Variants in MACROH2A1 observed in about 807,000 individuals in gnomAD.
The protein encoded by MACROH2A1 is core histone macro-H2A.1.
A neutral mutation model predicts 31.6 loss-of-function variants in MACROH2A1; 2 were observed. That is an observed-to-expected ratio of 0.06 (90% CI 0.03 to 0.20). The LOEUF (loss-of-function observed/expected upper bound fraction) is 0.20, where lower values mean the gene tolerates loss of function less well. Among genes scored for constraint, MACROH2A1 ranks in the 10% least tolerant of loss-of-function variants. MACROH2A1 has a pLI of 1.00. For synonymous variants in MACROH2A1, 169 were observed against 189.6 expected (o/e 0.89, Z 0.89); for missense variants, 230 against 474.0 (o/e 0.49, Z 4.78).
intron 1 of MACROH2A1, among the ~76,000 whole-genome samples, chr5:135,392,816 A>G (rs1767428137): frequency 6.6e-6 from 1 of 152,198 alleles, no homozygotes; most frequent in South Asian, 2.1e-4. Flanking sequence ...TGCATTTTTG[A>G]GCAAGTGATT....
rs1763894413 is a variant in MACROH2A1, at chr5:135,369,269, T to A, written c.477+137A>T. 3 of 759,322 alleles carry A rather than the reference T, an allele frequency of 4.0e-6. No individual in the cohort carries two copies. In the South Asian group the frequency reaches 5.0e-5, roughly 13 times the overall value. The allele number at this position is 759,322 out of a possible 1,614,324, so 47.0% of individuals were successfully genotyped here. A position where few individuals can be genotyped will look rare whatever the true frequency, so the allele number is the denominator to read the frequency against. ...TTGGACTAGCCCCTCTGGAGAGTAATCAGCTCCTACATGTTCCTCCTTTAT... is the reference window on the plus strand; with the variant it reads ...TTGGACTAGCCCCTCTGGAGAGTAAACAGCTCCTACATGTTCCTCCTTTAT... On this transcript the variant is annotated intron_variant, in intron 4 of 8. Transcript: ENST00000511689. The surrounding 1 kb of genome is among the most constrained non-coding windows in gnomAD (Gnocchi z 4.3).
At chr5:135,378,049 T>C (rs1258680859) in intron 2 of MACROH2A1, among the ~76,000 whole-genome samples, 1 of 152,134 alleles carries the variant, frequency 6.6e-6, no homozygotes, top group Non-Finnish European at 1.5e-5. Flanking sequence ...GTCTAAGGAT[T>C]TGCCTAAGCT....
At chr5:135,397,483 T>TA (rs770569829) in intron 1 of MACROH2A1, among the ~76,000 whole-genome samples, 14 of 152,236 alleles carry the variant, frequency 9.2e-5, no homozygotes, top group Non-Finnish European at 1.6e-4. Context: ...ACAACCCTCT[T>TA]AATGCCTTAT....
chr5:135,334,834 G>GT lies in MACROH2A1; in HGVS notation c.*141_*142insA. ...TAGAAGGTCAAAAACAATTAAACTGGAAACCAAAGCCTTATTTTCCCTAGA... is the reference window on the plus strand; with the variant it reads ...TAGAAGGTCAAAAACAATTAAACTGGTAAACCAAAGCCTTATTTTCCCTAGA... On this transcript the variant is annotated 3_prime_UTR_variant, in exon 9 of 9. Coordinates refer to ENST00000511689, the MANE Select transcript of MACROH2A1 (RefSeq NM_138610.3). The GT allele has an allele frequency of 1.4e-6, 1 of 704,480 alleles. No individual in the cohort carries two copies. Among genetic ancestry groups the GT allele is most frequent in the Non-Finnish European group, 2.5e-6 (1 of 406,500 alleles). The allele number at this position is 704,480 out of a possible 1,614,324, so 43.6% of individuals were successfully genotyped here. A position where few individuals can be genotyped will look rare whatever the true frequency, so the allele number is the denominator to read the frequency against.
chr5:135,388,076 G>A (rs1766678243), intron 2 of MACROH2A1, among the ~76,000 whole-genome samples: 1 of 148,766 alleles, frequency 6.7e-6, no homozygotes. Context: ...CAGAGGAAGG[G>A]CACAGGGAAA....
At chr5:135,353,709 T>C (rs1399469629) in intron 5 of MACROH2A1, 1 of 152,242 alleles carries the variant, frequency 6.6e-6, no homozygotes, top group African/African-American at 2.4e-5. Flanking sequence ...TAAATGGTTT[T>C]CACCTTGTTG....
chr5:135,346,339 A>G, intron 6 of MACROH2A1: 1 of 409,992 alleles, frequency 2.4e-6, no homozygotes, highest in Non-Finnish European at 4.5e-6. Flanking sequence ...TGAAAGAGAC[A>G]GGACATGCTT....
At chr5:135,379,616 C>G (rs374515596) in intron 2 of MACROH2A1, among the ~76,000 whole-genome samples, 2 of 152,140 alleles carry the variant, frequency 1.3e-5, no homozygotes, top group Non-Finnish European at 2.9e-5. Flanking sequence ...GACATAGAAG[C>G]CTTCAGGCAG....
At chr5:135,344,304 C>G (rs868608715) in intron 7 of MACROH2A1, 31 of 152,340 alleles carry the variant, frequency 2.0e-4, no homozygotes, top group African/African-American at 7.5e-4. Context: ...CAAGAGCACA[C>G]CAGAGTCTCC....
chr5:135,382,846 A>G (rs1396355439), intron 2 of MACROH2A1, among the ~76,000 whole-genome samples: 3 of 152,220 alleles, frequency 2.0e-5, no homozygotes, highest in Non-Finnish European at 4.4e-5. Flanking sequence ...GTAGGCCCAG[A>G]TCATGTTTAC....
chr5:135,382,701 A>G (rs941155832), intron 2 of MACROH2A1, among the ~76,000 whole-genome samples: 2 of 152,224 alleles, frequency 1.3e-5, no homozygotes, highest in African/African-American at 4.8e-5. Context: ...TAGGGGAATG[A>G]GAAGACAAGC....
intron 1 of MACROH2A1, among the ~76,000 whole-genome samples, chr5:135,392,670 G>A (rs1159075181): frequency 2.0e-5 from 3 of 152,174 alleles, no homozygotes; most frequent in African/African-American, 4.8e-5. Flanking sequence ...GCAGGTGTGG[G>A]TAGCTCCAGT....
intron 5 of MACROH2A1, chr5:135,357,195 G>C (rs1762278321): frequency 6.6e-6 from 1 of 152,232 alleles, no homozygotes; most frequent in South Asian, 2.1e-4. Flanking sequence ...TGTCCAGCTA[G>C]AAAGAGCCCC....
At chr5:135,362,043 G>A (rs1762906461) in intron 4 of MACROH2A1, 1 of 152,174 alleles carries the variant, frequency 6.6e-6, no homozygotes. Flanking sequence ...AGAGAAACAG[G>A]TATAATCAAC....
chr5:135,351,042 C>G, intron 6 of MACROH2A1: 1 of 633,950 alleles, frequency 1.6e-6, no homozygotes, highest in Non-Finnish European at 2.9e-6. Context: ...AAGGGGCAAT[C>G]AGTCCACGCA....
At chr5:135,372,418 T>C (rs1335681984) in intron 2 of MACROH2A1, among the ~76,000 whole-genome samples, 1 of 152,246 alleles carries the variant, frequency 6.6e-6, no homozygotes, top group Non-Finnish European at 1.5e-5. Flanking sequence ...CCTGTACCAG[T>C]GTCAGCACAG....
chr5:135,337,851 AG>A (rs1291769457), intron 8 of MACROH2A1: 1 of 709,106 alleles, frequency 1.4e-6, no homozygotes, highest in Non-Finnish European at 1.8e-6. Flanking sequence ...CAAGCATTTC[AG>A]GGTTGTTGGT....
At chr5:135,377,194 T>C (rs1764993204) in intron 2 of MACROH2A1, among the ~76,000 whole-genome samples, 2 of 152,120 alleles carry the variant, frequency 1.3e-5, no homozygotes, top group African/African-American at 2.4e-5. Flanking sequence ...GTCAAGGCCC[T>C]GGGAAGGAGA....
chr5:135,360,588 C>T lies in MACROH2A1; in HGVS notation c.497G>A (p.Ser166Asn), dbSNP rs377501078. The T allele has an allele frequency of 6.2e-7, 1 of 1,613,454 alleles. No homozygotes were observed. Among genetic ancestry groups the T allele is most frequent in the African/African-American group, 1.3e-5 (1 of 74,912 alleles). ...TGTGCTGTCGGCGCTGGCTGCCTTACTGACTTCACCCTGCTTCTTCTTGCA... is the reference window on the plus strand; with the variant it reads ...TGTGCTGTCGGCGCTGGCTGCCTTATTGACTTCACCCTGCTTCTTCTTGCA... ...RKSKKKQGEV[S>N]KAASADSTTE... Residue 166 changes from serine (S) to asparagine (N), a missense_variant, in exon 5 of 9, where the codon AGT becomes AAT. By Grantham distance (46) the Ser-to-Asn change is conservative. Transcript: ENST00000511689.
Sources: gnomAD v4.1 joint callset for allele counts (sites outside exome capture counted in the v4.1 genomes callset) on GRCh38, gnomAD v4.1.1 for gene constraint, Gnocchi (gnomAD v3.1) non-coding constraint, MANE v1.5 for transcripts, NCBI Gene and HGNC (gene_info 2026-07-23, HGNC 2026-07-21) for gene names.